MAP3K20: variants seen among roughly 807,000 people sequenced by gnomAD.
The protein encoded by MAP3K20 is HCCS-4.
A neutral mutation model predicts 85.7 loss-of-function variants in MAP3K20; 40 were observed. That is an observed-to-expected ratio of 0.47 (90% CI 0.36 to 0.61). The LOEUF (loss-of-function observed/expected upper bound fraction) is 0.61, where lower values mean the gene tolerates loss of function less well. Among genes scored for constraint, MAP3K20 ranks in the 20% least tolerant of loss-of-function variants. The probability of loss-of-function intolerance (pLI) is 0.00; values close to 1 mark genes in which losing one functional copy is unlikely to be tolerated. For synonymous variants in MAP3K20, 325 were observed against 327.7 expected (o/e 0.99, Z 0.09); for missense variants, 817 against 961.7 (o/e 0.85, Z 1.99).
chr2:173,160,156 T>A (rs1689604960), intron 2 of MAP3K20: 1 of 152,248 alleles, frequency 6.6e-6, no homozygotes, highest in Admixed American at 6.5e-5. Flanking sequence ...TCAGTTCATT[T>A]ATCCTTCTTT....
In MAP3K20 at chr2:173,221,474, G is replaced by A. The variant is rs150632797; in HGVS notation, c.987+4224G>A. Reference sequence around the variant, plus strand: ...TGATTTTGACTTGTCAGAAGGTGACGATGATGATGATGATGACGGTGAGGA... The same window carrying A: ...TGATTTTGACTTGTCAGAAGGTGACAATGATGATGATGATGACGGTGAGGA... On this transcript the variant is annotated intron_variant, in intron 11 of 19. Coordinates refer to ENST00000375213, the MANE Select transcript of MAP3K20 (RefSeq NM_016653.3). The A allele has an allele frequency of 1.1e-4, 167 of 1,581,376 alleles. 1 individual carries two copies. The highest frequency in any genetic ancestry group is 2.9e-4 in the Admixed American group (17 of 57,998).
chr2:173,205,797 C>A (rs1275516143), intron 9 of MAP3K20, among the ~76,000 whole-genome samples: 1 of 151,754 alleles, frequency 6.6e-6, no homozygotes, highest in Non-Finnish European at 1.5e-5. Context: ...GATTGTTGTT[C>A]TTTTTATTAG....
At chr2:173,080,602 T>C in intron 1 of MAP3K20, among the ~76,000 whole-genome samples, 1 of 152,346 alleles carries the variant, frequency 6.6e-6, no homozygotes, top group Non-Finnish European at 1.5e-5. Context: ...TAATCACCTC[T>C]TAAAGGTTCT....
At chr2:173,203,728 C>A (rs571179603) in intron 8 of MAP3K20, 68 bp from the exon 9 acceptor site, 11 of 1,178,800 alleles carry the variant, frequency 9.3e-6, no homozygotes, top group Non-Finnish European at 1.4e-5. Context: ...CCTTCAGATA[C>A]GGTGTTTGCT....
chr2:173,133,456 AC>A (rs1388814028), intron 2 of MAP3K20, among the ~76,000 whole-genome samples: 1 of 152,216 alleles, frequency 6.6e-6, no homozygotes, highest in Non-Finnish European at 1.5e-5. Context: ...CATCTGTCAT[AC>A]ATTAGAATTT....
chr2:173,108,874 A>C (rs1314144990), intron 2 of MAP3K20, among the ~76,000 whole-genome samples: 1 of 152,246 alleles, frequency 6.6e-6, no homozygotes, highest in African/African-American at 2.4e-5. Context: ...GAACAAAACA[A>C]CAAAACTAAC....
chr2:173,224,766 A>G, intron 11 of MAP3K20: 3 of 985,412 alleles, frequency 3.0e-6, no homozygotes, highest in Non-Finnish European at 3.6e-6. Context: ...TCATATAATC[A>G]GAATTCTATA....
intron 10 of MAP3K20, chr2:173,215,684 G>A (rs906595280): frequency 6.6e-6 from 1 of 152,192 alleles, no homozygotes; most frequent in Admixed American, 6.5e-5. Context: ...GAAGTGAAAT[G>A]TTGAGCCAAA....
intron 14 of MAP3K20, among the ~76,000 whole-genome samples, chr2:173,237,408 C>T (rs979290425): frequency 5.9e-5 from 9 of 152,068 alleles, no homozygotes; most frequent in Non-Finnish European, 1.0e-4. Flanking sequence ...TGCAAGCCCT[C>T]GTGTGGAGGA....
chr2:173,124,496 G>T (rs1448162006), intron 2 of MAP3K20, among the ~76,000 whole-genome samples: 1 of 152,170 alleles, frequency 6.6e-6, no homozygotes, highest in Non-Finnish European at 1.5e-5. Context: ...GGTTCCATGG[G>T]TGGGAGCTGG....
At chr2:173,167,393 CCTT>C (rs1689864657) in intron 2 of MAP3K20, among the ~76,000 whole-genome samples, 1 of 152,048 alleles carries the variant, frequency 6.6e-6, no homozygotes. Context: ...TGTCATTTGA[CCTT>C]CATTTATTAC....
At chr2:173,203,127 C>A (rs1210335820) in intron 8 of MAP3K20, among the ~76,000 whole-genome samples, 1 of 152,042 alleles carries the variant, frequency 6.6e-6, no homozygotes, top group Non-Finnish European at 1.5e-5. Context: ...CGGTTGCAAC[C>A]CACCAGTCTC....
chr2:173,183,071 C>G, intron 4 of MAP3K20, 116 bp downstream of exon 4: 5 of 771,810 alleles, frequency 6.5e-6, no homozygotes, highest in Non-Finnish European at 1.0e-5. Flanking sequence ...TTTTCCAGAC[C>G]AAAAGTAGTA....
intron 11 of MAP3K20, chr2:173,226,278 G>A (rs921187514): frequency 1.0e-6 from 1 of 985,246 alleles, no homozygotes; most frequent in Non-Finnish European, 1.2e-6. Context: ...CATTGGAATG[G>A]TAAGAGTTTT....
chr2:173,121,732 T>G (rs1170496255), intron 2 of MAP3K20, among the ~76,000 whole-genome samples: 1 of 152,042 alleles, frequency 6.6e-6, no homozygotes, highest in Non-Finnish European at 1.5e-5. Context: ...CCATTCAGCA[T>G]GGATGCCCCC....
intron 2 of MAP3K20, among the ~76,000 whole-genome samples, chr2:173,128,564 T>G (rs1688515284): frequency 6.6e-6 from 1 of 152,066 alleles, no homozygotes; most frequent in Non-Finnish European, 1.5e-5. Flanking sequence ...ACTTCTGACC[T>G]CAAGTGATCC....
At chr2:173,223,438 A>G in intron 11 of MAP3K20, 1 of 985,072 alleles carries the variant, frequency 1.0e-6, no homozygotes. Context: ...AAAGTGGCTA[A>G]TGTTAGCTAC....
In MAP3K20 at chr2:173,190,879, T is replaced by C. The variant is rs747096062; in HGVS notation, c.416-16T>C. The C allele has an allele frequency of 4.4e-6, 7 of 1,578,752 alleles. No individual in the cohort carries two copies. The African/African-American group carries it at 8.2e-5, about 19-fold the overall frequency. ...ATTAGATGATTGTCATAATTTATCC[T>C]TTTTTCTTTTTTTAGTTGTTATAGC... On this transcript the variant is annotated splice_polypyrimidine_tract_variant and intron_variant, in intron 5 of 19. Coordinates refer to ENST00000375213, the MANE Select transcript of MAP3K20 (RefSeq NM_016653.3).
At chr2:173,222,487 T>A (rs1684278783) in intron 11 of MAP3K20, 1 of 985,854 alleles carries the variant, frequency 1.0e-6, no homozygotes, top group African/African-American at 1.7e-5. Context: ...AGGCTGTGCT[T>A]GTGCTTTATA....
Sources: gnomAD v4.1 joint callset for allele counts (sites outside exome capture counted in the v4.1 genomes callset) on GRCh38, gnomAD v4.1.1 for gene constraint, MANE v1.5 for transcripts, NCBI Gene and HGNC (gene_info 2026-07-23, HGNC 2026-07-21) for gene names.